Variants in NELL1 observed in about 807,000 individuals in gnomAD.
NELL1 encodes protein kinase C-binding protein NELL1.
NELL1 carries 76 observed loss-of-function variants against 107.4 expected under a neutral mutation model. The observed-to-expected ratio is 0.71, with a 90% CI of 0.59 to 0.86. NELL1 has a LOEUF of 0.86. NELL1 is among the 40% of genes least tolerant of loss of function. NELL1 has a pLI of 0.00. For missense variants in NELL1, 1,024 were observed against 1,005.5 expected (o/e 1.02, Z -0.25); for synonymous variants, 353 against 341.2 (o/e 1.03, Z -0.38).
intron 15 of NELL1, among the ~76,000 whole-genome samples, chr11:21,512,476 A>T (rs1855460793): frequency 6.6e-6 from 1 of 152,122 alleles, no homozygotes; most frequent in African/African-American, 2.4e-5. Flanking sequence ...CTTGATATAT[A>T]GTGATATTAT....
chr11:21,191,316 C>T (rs1857044287), intron 13 of NELL1, among the ~76,000 whole-genome samples: 1 of 151,762 alleles, frequency 6.6e-6, no homozygotes, highest in South Asian at 2.1e-4. Flanking sequence ...ATGAGAAGGA[C>T]GTGGCTCAAT....
At chr11:20,764,472 T>C (rs760169602) in intron 2 of NELL1, among the ~76,000 whole-genome samples, 26 of 152,162 alleles carry the variant, frequency 1.7e-4, no homozygotes, top group Non-Finnish European at 3.4e-4. Flanking sequence ...CTGGTCAGTA[T>C]GCTACTTTTG....
chr11:21,044,214 G>A (rs1565030518), intron 12 of NELL1, among the ~76,000 whole-genome samples: 1 of 152,164 alleles, frequency 6.6e-6, no homozygotes, highest in Non-Finnish European at 1.5e-5. Context: ...GCAGCAGCAG[G>A]AAGGGATTTT....
intron 12 of NELL1, among the ~76,000 whole-genome samples, chr11:21,055,009 T>G (rs1183497121): frequency 6.6e-6 from 1 of 152,056 alleles, no homozygotes; most frequent in Non-Finnish European, 1.5e-5. Flanking sequence ...TATAGTTTAA[T>G]TTTAAAGAAT....
chr11:20,708,322 G>C (rs1042110175), intron 2 of NELL1, among the ~76,000 whole-genome samples: 10 of 152,192 alleles, frequency 6.6e-5, no homozygotes, highest in African/African-American at 2.4e-4. Context: ...CCCTGCTTCG[G>C]CTCACACTCC....
At chr11:20,827,852 G>A (rs1056613293) in intron 3 of NELL1, among the ~76,000 whole-genome samples, 5 of 151,134 alleles carry the variant, frequency 3.3e-5, no homozygotes, top group African/African-American at 7.3e-5. Context: ...GGAGTGATGA[G>A]GTTGTGCAAA....
chr11:21,224,001 G>A (rs1163276421), intron 13 of NELL1, among the ~76,000 whole-genome samples: 1 of 152,038 alleles, frequency 6.6e-6, no homozygotes, highest in African/African-American at 2.4e-5. Context: ...ATTCTTTCCT[G>A]GCCTGCAGGT....
chr11:21,473,523 T>A (rs532549304), intron 15 of NELL1, among the ~76,000 whole-genome samples: 12 of 152,164 alleles, frequency 7.9e-5, no homozygotes, highest in African/African-American at 2.4e-4. Flanking sequence ...ACCCTAATTC[T>A]ACACAGACAA....
chr11:21,023,997 C>G (rs961810795), intron 12 of NELL1, among the ~76,000 whole-genome samples: 17 of 152,154 alleles, frequency 1.1e-4, no homozygotes, highest in African/African-American at 4.1e-4. Context: ...AGAAATCCTT[C>G]CAAAATCCTT....
chr11:21,040,791 C>T (rs1023575682), intron 12 of NELL1, among the ~76,000 whole-genome samples: 13 of 152,084 alleles, frequency 8.5e-5, no homozygotes, highest in African/African-American at 2.9e-4. Flanking sequence ...AATAACTGTT[C>T]GCTGACCTAA....
At chr11:21,506,213 A>G (rs2133938385) in intron 15 of NELL1, among the ~76,000 whole-genome samples, 1 of 152,320 alleles carries the variant, frequency 6.6e-6, no homozygotes, top group South Asian at 2.1e-4. Context: ...TTCTGAATTT[A>G]TGAGTTTATT....
intron 3 of NELL1, among the ~76,000 whole-genome samples, chr11:20,831,033 G>A (rs569103885): frequency 6.6e-6 from 1 of 152,296 alleles, no homozygotes; most frequent in South Asian, 2.1e-4. Flanking sequence ...GTGTTTGAGA[G>A]TCATTGTTTG....
intron 3 of NELL1, among the ~76,000 whole-genome samples, chr11:20,839,716 G>C (rs1848589545): frequency 6.6e-6 from 1 of 152,210 alleles, no homozygotes; most frequent in Non-Finnish European, 1.5e-5. Flanking sequence ...GCAGAGGGGA[G>C]GGATTGATCA....
chr11:21,414,386 T>G (rs1852452570), intron 15 of NELL1, among the ~76,000 whole-genome samples: 1 of 152,090 alleles, frequency 6.6e-6, no homozygotes, highest in Admixed American at 6.6e-5. Context: ...GTGAATAATA[T>G]CTTCAAAAAT....
At chr11:21,333,493 T>C (rs1260299622) in intron 14 of NELL1, among the ~76,000 whole-genome samples, 2 of 152,104 alleles carry the variant, frequency 1.3e-5, no homozygotes, top group African/African-American at 4.8e-5. Context: ...CTTTGCTTTC[T>C]TTGTAATAAA....
chr11:21,085,600 C>T (rs936402243), intron 12 of NELL1, among the ~76,000 whole-genome samples: 1 of 152,094 alleles, frequency 6.6e-6, no homozygotes, highest in African/African-American at 2.4e-5. Context: ...CACACCACTG[C>T]ACTGCAGCCT....
intron 15 of NELL1, among the ~76,000 whole-genome samples, chr11:21,382,205 C>T (rs2133770226): frequency 6.6e-6 from 1 of 151,966 alleles, no homozygotes; most frequent in East Asian, 2.0e-4. Context: ...TGAATAGGGA[C>T]AACCTCAGCT....
At chr11:20,894,428 A>G (rs7128144) in intron 5 of NELL1, among the ~76,000 whole-genome samples, 3,757 of 152,328 alleles carry the variant, frequency 0.025, 134 homozygotes, top group African/African-American at 0.076. Context: ...CTTTACATCA[A>G]TAATGAAAAG....
intron 4 of NELL1, among the ~76,000 whole-genome samples, chr11:20,880,938 G>T (rs979206572): frequency 6.6e-6 from 1 of 152,054 alleles, no homozygotes; most frequent in African/African-American, 2.4e-5. Context: ...ATTATTTTTC[G>T]GTGGGGTGGA....
Sources: allele counts gnomAD v4.1 joint callset (sites outside exome capture counted in the v4.1 genomes callset), GRCh38; gene constraint gnomAD v4.1.1; transcripts MANE v1.5; gene names NCBI Gene and HGNC (gene_info 2026-07-23, HGNC 2026-07-21).